P4HA1: variants seen among roughly 807,000 people sequenced by gnomAD.
P4HA1 encodes prolyl 4-hydroxylase subunit alpha-1.
A neutral mutation model predicts 72.8 loss-of-function variants in P4HA1; 24 were observed. That is an observed-to-expected ratio of 0.33 (90% confidence interval 0.24 to 0.46). The LOEUF is 0.46. Among genes scored for constraint, P4HA1 ranks in the 20% least tolerant of loss-of-function variants. P4HA1 has a pLI of 1.00. For missense variants in P4HA1, 446 were observed against 640.6 expected, an observed-to-expected ratio of 0.70 and a Z score of 3.28; for synonymous variants, 201 against 218.8, an observed-to-expected ratio of 0.92 and a Z score of 0.72.
intron 1 of P4HA1, among the ~76,000 whole-genome samples, chr10:73,078,602 T>C (rs953889174): frequency 1.9e-3 from 209 of 109,286 alleles, no homozygotes; most frequent in African/African-American, 7.6e-3. Context: ...AGTAGGTAAT[T>C]TTTTTTTTTT....
intron 1 of P4HA1, among the ~76,000 whole-genome samples, chr10:73,090,494 T>C (rs1842006386): frequency 6.6e-6 from 1 of 152,216 alleles, no homozygotes; most frequent in African/African-American, 2.4e-5. Flanking sequence ...GATATTTTTT[T>C]AAGTAGATAT....
chr10:73,026,516 T>G (rs1217664862), intron 10 of P4HA1, among the ~76,000 whole-genome samples: 1 of 152,188 alleles, frequency 6.6e-6, no homozygotes, highest in Admixed American at 6.5e-5. Context: ...GAAGAAAACC[T>G]AGGCAATACC....
At chr10:73,032,613 A>G (rs951148910) in intron 9 of P4HA1, among the ~76,000 whole-genome samples, 4 of 152,214 alleles carry the variant, frequency 2.6e-5, no homozygotes, top group Non-Finnish European at 5.9e-5. Context: ...GCCTAAGGCT[A>G]GTGCGTATGC....
intron 9 of P4HA1, among the ~76,000 whole-genome samples, chr10:73,033,043 A>G (rs1048267439): frequency 2.0e-5 from 3 of 151,590 alleles, no homozygotes; most frequent in African/African-American, 7.3e-5. Flanking sequence ...ATAGCTGATT[A>G]AGTATATTAA....
At chr10:73,073,985 A>C in intron 2 of P4HA1, 158 bp from the exon 3 acceptor site, 1 of 611,526 alleles carries the variant, frequency 1.6e-6, no homozygotes, top group Non-Finnish European at 2.9e-6. Flanking sequence ...AGATAAACCA[A>C]AATAAAGCCA....
At chr10:73,069,723 A>C (rs1343777448) in intron 4 of P4HA1, among the ~76,000 whole-genome samples, 1 of 152,178 alleles carries the variant, frequency 6.6e-6, no homozygotes, top group Non-Finnish European at 1.5e-5. Flanking sequence ...AAATTGGTTT[A>C]AAATTTTAAT....
intron 7 of P4HA1, among the ~76,000 whole-genome samples, chr10:73,047,498 A>G (rs1482893570): frequency 6.6e-6 from 1 of 151,342 alleles, no homozygotes; most frequent in Non-Finnish European, 1.5e-5. Flanking sequence ...AGTTTCTAGA[A>G]GAAAAAAAAA....
At chr10:73,042,641 T>G (rs984483726) in intron 9 of P4HA1, among the ~76,000 whole-genome samples, 1 of 150,940 alleles carries the variant, frequency 6.6e-6, no homozygotes, top group Non-Finnish European at 1.5e-5. Flanking sequence ...CTTGGACATT[T>G]TACATCTTTT....
chr10:73,033,811 G>A (rs1840497297), intron 9 of P4HA1, among the ~76,000 whole-genome samples: 1 of 152,178 alleles, frequency 6.6e-6, no homozygotes, highest in African/African-American at 2.4e-5. Context: ...TCTTTGTGAC[G>A]TTGGACGAAG....
chr10:73,069,375 GA>G (rs1364644784), intron 4 of P4HA1, among the ~76,000 whole-genome samples: 1 of 152,122 alleles, frequency 6.6e-6, no homozygotes, highest in East Asian at 1.9e-4. Context: ...TATACTTCCA[GA>G]TAACAGATGG....
At chr10:73,090,749 A>G (rs1474587012) in intron 1 of P4HA1, among the ~76,000 whole-genome samples, 1 of 152,080 alleles carries the variant, frequency 6.6e-6, no homozygotes, top group East Asian at 1.9e-4. Flanking sequence ...TATTTTCAAA[A>G]TATCTTTGAG....
chr10:73,067,972 T>C (rs1841466707), intron 5 of P4HA1, among the ~76,000 whole-genome samples: 1 of 152,202 alleles, frequency 6.6e-6, no homozygotes, highest in African/African-American at 2.4e-5. Context: ...TATGAAAACC[T>C]GAAACCAATT....
At chr10:73,075,201 G>A (rs947082697) in intron 1 of P4HA1, among the ~76,000 whole-genome samples, 6 of 152,032 alleles carry the variant, frequency 3.9e-5, no homozygotes, top group South Asian at 4.1e-4. Flanking sequence ...TCCACCTCCC[G>A]GGTTCAAGCG....
At chr10:73,048,519 C>G (rs941295173) in intron 7 of P4HA1, among the ~76,000 whole-genome samples, 6 of 152,162 alleles carry the variant, frequency 3.9e-5, no homozygotes, top group African/African-American at 1.4e-4. Context: ...CCCACCTTGG[C>G]CTCCCAAAGT....
At chr10:73,095,326 A>C (rs1156823699) in intron 1 of P4HA1, among the ~76,000 whole-genome samples, 2 of 151,680 alleles carry the variant, frequency 1.3e-5, no homozygotes, top group Non-Finnish European at 2.9e-5. Context: ...AGCTTCTTGA[A>C]TATATCGTCT....
At chr10:73,026,637 G>A (rs961977618) in intron 10 of P4HA1, among the ~76,000 whole-genome samples, 4 of 152,082 alleles carry the variant, frequency 2.6e-5, no homozygotes, top group Non-Finnish European at 5.9e-5. Flanking sequence ...GCTTCTGCAT[G>A]GCAAAAGAAA....
At position 73,026,901 on chromosome 10, in the gene P4HA1, C is replaced by T. The variant is rs143401645; in HGVS notation, c.1248+3370G>A. 3.0e-3 allele frequency among the ~76,000 whole-genome samples: 452 copies of T among 152,310 alleles called. 5 individuals are homozygous for T. The highest frequency in any genetic ancestry group is 1.0e-2 in the African/African-American group (415 of 41,586). ...TGCGAAGCAAAACCACAATGAGATA[C>T]CATCTCATGCCAGTTAGAATGGCAA... On this transcript the variant is annotated intron_variant, in intron 10 of 14. Coordinates refer to ENST00000394890, the MANE Select transcript of P4HA1 (RefSeq NM_001017962.3).
intron 5 of P4HA1, among the ~76,000 whole-genome samples, chr10:73,063,660 T>G (rs1382423361): frequency 6.6e-6 from 1 of 152,218 alleles, no homozygotes; most frequent in African/African-American, 2.4e-5. Context: ...ACACATAAGA[T>G]GACAGTATGC....
chr10:73,094,399 G>C (rs149286573), intron 1 of P4HA1, among the ~76,000 whole-genome samples: 13 of 152,016 alleles, frequency 8.6e-5, no homozygotes, highest in African/African-American at 2.9e-4. Flanking sequence ...GGACTTGAGT[G>C]GGGGGGCAGG....
Sources: allele counts gnomAD v4.1 joint callset (sites outside exome capture counted in the v4.1 genomes callset), GRCh38; gene constraint gnomAD v4.1.1; transcripts MANE v1.5; gene names NCBI Gene and HGNC (gene_info 2026-07-23, HGNC 2026-07-21).